TLL2: variants seen among roughly 807,000 people sequenced by gnomAD.
The protein encoded by TLL2 is tolloid like 2.
In TLL2, 106 loss-of-function variants were observed where a neutral mutation model predicts 123.0. The observed-to-expected ratio is 0.86, with a 90% CI of 0.74 to 1.01. The LOEUF is 1.01. TLL2 is among the 50% of genes least tolerant of loss of function. The pLI is 0.00. For missense variants in TLL2, 1,332 were observed against 1,336.7 expected, an observed-to-expected ratio of 1.00 and a Z score of 0.06; for synonymous variants, 494 against 516.8, an observed-to-expected ratio of 0.96 and a Z score of 0.60.
chr10:96,439,714 T>C (rs1362796664), intron 3 of TLL2, among the ~76,000 whole-genome samples: 2 of 152,198 alleles, frequency 1.3e-5, no homozygotes, highest in African/African-American at 4.8e-5. Flanking sequence ...GTTGGTCATA[T>C]TTCCAGACCC....
chr10:96,396,121 A>G, intron 11 of TLL2, 101 bp from the exon 12 acceptor site: 2 of 1,380,668 alleles, frequency 1.4e-6, no homozygotes, highest in South Asian at 1.6e-5. Context: ...TGCCACCACT[A>G]GGTGGCTCCG....
chr10:96,370,711 C>T (rs1324828691), intron 19 of TLL2, among the ~76,000 whole-genome samples: 4 of 152,148 alleles, frequency 2.6e-5, no homozygotes, highest in Admixed American at 6.5e-5. Context: ...AGAAGGGCTC[C>T]CACTCGCCCC....
At chr10:96,492,238 AG>A (rs1180579117) in intron 1 of TLL2, among the ~76,000 whole-genome samples, 15 of 151,506 alleles carry the variant, frequency 9.9e-5, no homozygotes, top group African/African-American at 3.4e-4. Context: ...AAAAAAAAAA[AG>A]GCCATGAGGG....
chr10:96,372,562 G>A (rs573114448), intron 19 of TLL2, among the ~76,000 whole-genome samples: 2 of 152,282 alleles, frequency 1.3e-5, no homozygotes, highest in African/African-American at 4.8e-5. Context: ...TTATAAGCAC[G>A]TACATTTCCC....
chr10:96,398,761 C>T (rs1159332564), intron 10 of TLL2, among the ~76,000 whole-genome samples: 1 of 152,058 alleles, frequency 6.6e-6, no homozygotes, highest in Non-Finnish European at 1.5e-5. Context: ...CTACCAAGCA[C>T]CTATTGCATG....
intron 10 of TLL2, among the ~76,000 whole-genome samples, chr10:96,399,306 A>G (rs1387331218): frequency 6.6e-6 from 1 of 152,222 alleles, no homozygotes; most frequent in Non-Finnish European, 1.5e-5. Context: ...TCCAATTCAC[A>G]GATATGTCAC....
Position 96,403,994 on chromosome 10 carries a change from C to A in TLL2, c.1267+1238G>T, listed in dbSNP as rs375009346. Among the ~76,000 whole-genome samples, 246 of 152,104 alleles carry A rather than the reference C, an allele frequency of 1.6e-3. 2 individuals are homozygous for A. Among genetic ancestry groups the A allele is most frequent in the African/African-American group, 5.5e-3 (228 of 41,514 alleles). On this transcript the variant is annotated intron_variant, in intron 10 of 20. Transcript: ENST00000357947. ...CTTGAACTTAATTATGACATAGATT[C>A]TTTTGCTCACATGTTTGTTGCTGAC... is the stretch of plus-strand genomic sequence containing the variant.
intron 13 of TLL2, among the ~76,000 whole-genome samples, chr10:96,388,573 C>T (rs533271558): frequency 6.6e-6 from 1 of 152,322 alleles, no homozygotes; most frequent in African/African-American, 2.4e-5. Context: ...TCAGACCCTA[C>T]TTGAAAACTC....
intron 4 of TLL2, among the ~76,000 whole-genome samples, chr10:96,431,176 TG>T (rs771144405): frequency 4.6e-5 from 7 of 152,126 alleles, no homozygotes; most frequent in Non-Finnish European, 8.8e-5. Context: ...AAGTCTGTAG[TG>T]GTTTATAATT....
intron 3 of TLL2, among the ~76,000 whole-genome samples, chr10:96,438,325 C>T (rs978751703): frequency 1.3e-5 from 2 of 152,006 alleles, no homozygotes; most frequent in African/African-American, 4.8e-5. Context: ...AAATCCTGTA[C>T]GAATTTTGTT....
At chr10:96,485,387 C>T (rs1038769094) in intron 1 of TLL2, among the ~76,000 whole-genome samples, 2 of 152,060 alleles carry the variant, frequency 1.3e-5, no homozygotes, top group Non-Finnish European at 2.9e-5. Context: ...AAAATTTGTG[C>T]AAGTCATATA....
chr10:96,436,440 G>T (rs181461837), intron 3 of TLL2, among the ~76,000 whole-genome samples: 1 of 152,038 alleles, frequency 6.6e-6, no homozygotes, highest in African/African-American at 2.4e-5. Context: ...AAAATTTTTG[G>T]CTTCTTAATG....
chr10:96,497,025 A>C (rs956951665), intron 1 of TLL2, among the ~76,000 whole-genome samples: 3 of 152,172 alleles, frequency 2.0e-5, no homozygotes, highest in African/African-American at 4.8e-5. Flanking sequence ...TCATGCCTGT[A>C]ATCCCAGCAC....
intron 10 of TLL2, among the ~76,000 whole-genome samples, chr10:96,404,264 C>T (rs1846427880): frequency 6.6e-6 from 1 of 152,128 alleles, no homozygotes; most frequent in South Asian, 2.1e-4. Flanking sequence ...CAGGCCACCC[C>T]TTCATCTCTG....
intron 3 of TLL2, among the ~76,000 whole-genome samples, chr10:96,440,141 G>A (rs1439324106): frequency 6.6e-6 from 1 of 152,096 alleles, no homozygotes; most frequent in African/African-American, 2.4e-5. Flanking sequence ...GCCCTCTACG[G>A]AAGATATTCT....
intron 8 of TLL2, among the ~76,000 whole-genome samples, chr10:96,410,851 G>A (rs1194827248): frequency 6.6e-6 from 1 of 152,166 alleles, no homozygotes; most frequent in Non-Finnish European, 1.5e-5. Flanking sequence ...TGCATTACAT[G>A]AAATGGATCA....
chr10:96,407,871 A>C (rs1299740213), intron 9 of TLL2, among the ~76,000 whole-genome samples: 1 of 152,004 alleles, frequency 6.6e-6, no homozygotes, highest in Admixed American at 6.5e-5. Flanking sequence ...GTGTGTGCGC[A>C]CACGTGTGTG....
At chr10:96,476,240 A>ATATATATATATTTTTTTTTTTTTTT in intron 2 of TLL2, among the ~76,000 whole-genome samples, 3 of 20,484 alleles carry the variant, frequency 1.5e-4, no homozygotes, top group Non-Finnish European at 3.0e-4. Context: ...ATATATATAT[A>ATATATATATATTTTTTTTTTTTTTT]TTTTATTTTT....
intron 1 of TLL2, among the ~76,000 whole-genome samples, chr10:96,510,718 T>G (rs556857560): frequency 5.3e-5 from 8 of 152,234 alleles, no homozygotes; most frequent in Admixed American, 5.2e-4. Context: ...AGTAGTGAAA[T>G]GGTAAAATTA....
Sources: gnomAD v4.1 joint callset for allele counts (sites outside exome capture counted in the v4.1 genomes callset) on GRCh38, gnomAD v4.1.1 for gene constraint, MANE v1.5 for transcripts, NCBI Gene and HGNC (gene_info 2026-07-23, HGNC 2026-07-21) for gene names.